MALRD1: variants seen among roughly 807,000 people sequenced by gnomAD.
MALRD1 encodes the protein MAM and LDL receptor class A domain containing 1.
MALRD1 carries 247 observed loss-of-function variants against 242.1 expected under a neutral mutation model. That is an observed-to-expected ratio of 1.02 (90% confidence interval 0.92 to 1.13). MALRD1 has a LOEUF of 1.13. Ranked by LOEUF, MALRD1 falls within the 50% of genes most tolerant of loss-of-function variation. MALRD1 has a pLI of 0.00. For synonymous variants in MALRD1, 995 were observed against 866.6 expected (o/e 1.15, Z -2.60); for missense variants, 2,989 against 2,533.1 (o/e 1.18, Z -3.86).
intron 33 of MALRD1, among the ~76,000 whole-genome samples, chr10:19,592,364 A>T (rs989158314): frequency 6.6e-6 from 1 of 152,214 alleles, no homozygotes. Flanking sequence ...GATGCCCTAC[A>T]TTGAGGCATA....
intron 32 of MALRD1, among the ~76,000 whole-genome samples, chr10:19,559,864 A>G (rs1835887960): frequency 6.6e-6 from 1 of 152,208 alleles, no homozygotes; most frequent in Non-Finnish European, 1.5e-5. Context: ...GAAGACATTT[A>G]TGAGGCCAAC....
intron 26 of MALRD1, among the ~76,000 whole-genome samples, chr10:19,359,493 A>T (rs1057487394): frequency 6.6e-6 from 1 of 152,112 alleles, no homozygotes; most frequent in Non-Finnish European, 1.5e-5. Flanking sequence ...GTGTTGCTGG[A>T]ACTGGGAGAA....
chr10:19,621,307 C>G (rs1839388939), intron 36 of MALRD1, among the ~76,000 whole-genome samples: 2 of 123,968 alleles, frequency 1.6e-5, no homozygotes, highest in Admixed American at 8.7e-5. Flanking sequence ...CAAATACATG[C>G]AACACTTTAA....
At position 19,191,072 on chromosome 10, in the gene MALRD1, A is replaced by G. The variant is rs572648890; in HGVS notation, c.1952-12656A>G. 2.0e-5 allele frequency among the ~76,000 whole-genome samples: 3 copies of G among 152,352 alleles called. No homozygotes were observed. In the East Asian group the frequency reaches 5.8e-4, roughly 29 times the overall value. ...ATTGTATATCTGATAAGGGATTGAT[A>G]TCCACAATATAGGAGAGAACTTCTA... On this transcript the variant is annotated intron_variant, in intron 14 of 39. Coordinates refer to ENST00000454679, the MANE Select transcript of MALRD1 (RefSeq NM_001142308.3).
chr10:19,477,774 G>T lies in MALRD1; in HGVS notation c.5030-13743G>T, dbSNP rs1264344273. Among the ~76,000 whole-genome samples, 5 of 152,140 alleles carry T rather than the reference G, an allele frequency of 3.3e-5. No homozygotes were observed. The East Asian group carries it at 9.6e-4, about 29-fold the overall frequency. Reference sequence around the variant, plus strand: ...GATTTACACAGGGCCCAAGAGATTGGTCGGACCAGGTGTGACATTTGCATA... The same window carrying T: ...GATTTACACAGGGCCCAAGAGATTGTTCGGACCAGGTGTGACATTTGCATA... On this transcript the variant is annotated intron_variant, in intron 29 of 39. Transcript: ENST00000454679.
intron 19 of MALRD1, among the ~76,000 whole-genome samples, chr10:19,259,761 C>G (rs78140837): frequency 6.6e-6 from 1 of 152,134 alleles, no homozygotes; most frequent in Non-Finnish European, 1.5e-5. Context: ...CTATCTGACT[C>G]TCTCCCTTAC....
At chr10:19,566,613 G>T (rs1189439913) in intron 32 of MALRD1, among the ~76,000 whole-genome samples, 1 of 150,998 alleles carries the variant, frequency 6.6e-6, no homozygotes, top group Non-Finnish European at 1.5e-5. Flanking sequence ...GTGAAAAAAA[G>T]GGTTGTATAA....
chr10:19,255,577 T>A (rs1478764919), intron 18 of MALRD1, among the ~76,000 whole-genome samples: 1 of 152,054 alleles, frequency 6.6e-6, no homozygotes, highest in Middle Eastern at 3.2e-3. Context: ...ATGCTTTTCT[T>A]AAATATTCAA....
intron 19 of MALRD1, among the ~76,000 whole-genome samples, chr10:19,268,504 TAA>T (rs1564515913): frequency 6.6e-6 from 1 of 152,150 alleles, no homozygotes; most frequent in African/African-American, 2.4e-5. Flanking sequence ...TTAAATATTC[TAA>T]AGAGACTGTT....
chr10:19,143,451 C>A (rs1334301684), intron 10 of MALRD1, among the ~76,000 whole-genome samples: 7 of 152,150 alleles, frequency 4.6e-5, no homozygotes, highest in African/African-American at 1.7e-4. Context: ...TTGCTGTTTG[C>A]ATGGACTTGT....
In MALRD1 at chr10:19,408,638, A is replaced by G. The variant is rs150198695; in HGVS notation, c.4845+19029A>G. ...ATAAAGAGACATTTCACTGAAAAGA[A>G]TATACAGTTGGCAAAACAAAAACAT... On this transcript the variant is annotated intron_variant, in intron 28 of 39. Transcript: ENST00000454679. Among the ~76,000 whole-genome samples, 271 of 152,344 alleles carry G rather than the reference A, an allele frequency of 1.8e-3. 1 individual carries two copies. The highest frequency in any genetic ancestry group is 6.1e-3 in the African/African-American group (255 of 41,588).
intron 24 of MALRD1, among the ~76,000 whole-genome samples, chr10:19,337,510 A>T (rs956292179): frequency 9.9e-5 from 15 of 152,068 alleles, no homozygotes; most frequent in Admixed American, 9.8e-4. Context: ...ATGATGTTGA[A>T]CATCTTTTCT....
chr10:19,705,852 T>A (rs1822003848), intron 38 of MALRD1, among the ~76,000 whole-genome samples: 3 of 142,316 alleles, frequency 2.1e-5, no homozygotes, highest in Admixed American at 2.1e-4. Flanking sequence ...AAAGAAAGCA[T>A]TTTTTTCAAG....
intron 29 of MALRD1, among the ~76,000 whole-genome samples, chr10:19,476,353 T>C (rs1033110133): frequency 6.6e-6 from 1 of 152,166 alleles, no homozygotes; most frequent in African/African-American, 2.4e-5. Context: ...TAATACCATC[T>C]TGAGACCCAG....
intron 38 of MALRD1, among the ~76,000 whole-genome samples, chr10:19,707,665 A>T (rs917312271): frequency 6.7e-6 from 1 of 149,782 alleles, no homozygotes; most frequent in Non-Finnish European, 1.5e-5. Flanking sequence ...TATTTCCATT[A>T]TGACTGGGTG....
intron 32 of MALRD1, among the ~76,000 whole-genome samples, chr10:19,553,222 C>A (rs1835571015): frequency 6.6e-6 from 1 of 151,954 alleles, no homozygotes; most frequent in African/African-American, 2.4e-5. Flanking sequence ...CAATTGGGCT[C>A]TATGGTTGGA....
rs567176122 is a variant in MALRD1, at chr10:19,388,070, C to G, written c.4687+297C>G. On this transcript the variant is annotated intron_variant, in intron 27 of 39. Transcript: ENST00000454679. ...TGAGGGAGCATGATCTCTTCCATGT[C>G]CCCTCTTAGATTCTGGTAGTTTCAT... Among the ~76,000 whole-genome samples, 11 of 152,260 alleles carry G rather than the reference C, an allele frequency of 7.2e-5. No individual in the cohort carries two copies. The South Asian group carries it at 2.3e-3, about 32-fold the overall frequency.
intron 1 of MALRD1, among the ~76,000 whole-genome samples, chr10:19,060,726 G>C (rs777568760): frequency 4.6e-5 from 7 of 152,110 alleles, no homozygotes; most frequent in Non-Finnish European, 1.0e-4. Flanking sequence ...ACCAGAGAGA[G>C]GTCACAGAGT....
At chr10:19,197,324 T>C (rs1836309986) in intron 14 of MALRD1, among the ~76,000 whole-genome samples, 1 of 150,112 alleles carries the variant, frequency 6.7e-6, no homozygotes, top group Non-Finnish European at 1.5e-5. Flanking sequence ...TCATTTCTTG[T>C]CTGGATTTTT....
Sources: gnomAD v4.1 joint callset for allele counts (sites outside exome capture counted in the v4.1 genomes callset) on GRCh38, gnomAD v4.1.1 for gene constraint, MANE v1.5 for transcripts, NCBI Gene and HGNC (gene_info 2026-07-23, HGNC 2026-07-21) for gene names.